KMT2D: variants seen among roughly 807,000 people sequenced by gnomAD.
KMT2D encodes histone-lysine N-methyltransferase 2D.
In KMT2D, 55 loss-of-function variants were observed where a neutral mutation model predicts 512.7. The ratio of observed to expected loss-of-function variants is 0.11; its 90% confidence interval spans 0.09 to 0.13. The LOEUF (loss-of-function observed/expected upper bound fraction) is 0.13. Ranked by LOEUF, KMT2D falls within the 10% of genes least tolerant of loss-of-function variation. KMT2D has a pLI of 1.00. For missense variants in KMT2D, 6,061 were observed against 7,127.9 expected, an observed-to-expected ratio of 0.85 and a Z score of 5.39; for synonymous variants, 2,995 against 2,904.0, an observed-to-expected ratio of 1.03 and a Z score of -1.01.
intron 14 of KMT2D, 91 bp downstream of exon 14, chr12:49,048,568 A>T: frequency 1.3e-6 from 1 of 756,104 alleles, no homozygotes; most frequent in Non-Finnish European, 2.3e-6. Context: ...TTAGCTGGGT[A>T]TCCCCAAAGT....
rs368315432 is a variant in KMT2D, at chr12:49,053,529, G to A, written c.786C>T (p.Ala262=). ...GGCACTGCCAGCCAGCACGTTTGCG[G>A]GCAGTCAGAGCAGTGTCCAGGCAGG... The part of the protein sequence containing the change: ...HGACLDTALT[A]RKRAGWQCPE... The change falls in exon 7 of 55, where the codon GCC becomes GCT. Residue 262 remains alanine, a synonymous_variant. Coordinates refer to ENST00000301067, the MANE Select transcript of KMT2D (RefSeq NM_003482.4). 5.6e-6 allele frequency: 9 copies of A among 1,604,650 alleles called. No homozygotes were observed. The highest frequency in any genetic ancestry group is 2.2e-5 in the South Asian group (2 of 89,502).
intron 1 of KMT2D, among the ~76,000 whole-genome samples, chr12:49,056,652 G>C (rs1938428840): frequency 1.3e-5 from 2 of 152,132 alleles, no homozygotes; most frequent in Non-Finnish European, 2.9e-5. Context: ...AACAATAAAA[G>C]TTTGAGAAAT....
chr12:49,026,564 T>G lies in KMT2D; in HGVS notation c.15402A>C (p.Pro5134=). The change falls in exon 49 of 55, where the codon CCA becomes CCC. Residue 5134 remains proline (P), a synonymous_variant. Transcript: ENST00000301067. The surrounding 1 kb of genome is among the most constrained non-coding windows in gnomAD (Gnocchi z 9.6). ...MFFKDKTMLC[P]MHKIKGPCEQ... ...CACAGGGCCCCTTGATCTTATGCAT[T>G]GGACACAGCATGGTCTTGTCCTTGA... 1 of 1,613,992 alleles carries G rather than the reference T, an allele frequency of 6.2e-7. No homozygotes were observed. Among genetic ancestry groups the G allele is most frequent in the Non-Finnish European group, 8.5e-7 (1 of 1,179,902 alleles).
In KMT2D at chr12:49,043,703, C is replaced by T. The variant is rs1263546284; in HGVS notation, c.5399G>A (p.Gly1800Glu). The T allele has an allele frequency of 6.2e-7, 1 of 1,613,906 alleles. No individual in the cohort carries two copies. The highest frequency in any genetic ancestry group is 8.5e-7 in the Non-Finnish European group (1 of 1,179,906). ...TCCCTTGGCTTTTGGGGTCCCTAGTCCAAAGCTTGGCCGGCCCACCCCAAC... is the reference window on the plus strand; with the variant it reads ...TCCCTTGGCTTTTGGGGTCCCTAGTTCAAAGCTTGGCCGGCCCACCCCAAC... ...FAVGVGRPSFGLGTPKAKGDG... is the reference protein window; with the variant it reads ...FAVGVGRPSFELGTPKAKGDG... Residue 1800 changes from glycine to glutamate, a missense_variant, in exon 24 of 55, where the codon GGA becomes GAA. By Grantham distance (98) the Gly-to-Glu change is moderately conservative. Coordinates refer to ENST00000301067, the MANE Select transcript of KMT2D (RefSeq NM_003482.4).
At position 49,041,307 on chromosome 12, in the gene KMT2D, A is replaced by T. The variant is rs1943514642; in HGVS notation, c.6463T>A (p.Ser2155Thr). Residue 2155 changes from serine (S) to threonine (T), a missense_variant, in exon 32 of 55, where the codon TCG becomes ACG. By Grantham distance (58) the Ser-to-Thr change is moderately conservative. Transcript: ENST00000301067. The surrounding 1 kb of genome is among the most constrained non-coding windows in gnomAD (Gnocchi z 5.4). ...AGCTTGAGGAAGAGCTCACCAGGCG[A>T]GTCAGGGCCAGGCACCGAGCCCGCC... ...PPAGSVPGPD[S>T]PGELFLKLPP... The T allele has an allele frequency of 4.6e-6, 7 of 1,532,866 alleles. No individual in the cohort carries two copies. Among genetic ancestry groups the T allele is most frequent in the African/African-American group, 1.4e-5 (1 of 72,292 alleles). The allele number at this position is 1,532,866 out of a possible 1,614,324, so 95.0% of individuals were successfully genotyped here. A position where few individuals can be genotyped will look rare whatever the true frequency, so the allele number is the denominator to read the frequency against.
chr12:49,019,093 G>C lies in KMT2D; in HGVS notation c.*2687C>G. 8.3e-7 allele frequency: 1 copy of C among 1,205,582 alleles called. No homozygotes were observed. The highest frequency in any genetic ancestry group is 1.0e-6 in the Non-Finnish European group (1 of 965,302). 74.7% of individuals were successfully genotyped at this position (1,205,582 alleles called of 1,614,324 possible). ...ATATGTACAGTTCAGAATGATCGCT[G>C]ATACAAAACATGCCAAGGACAGGGG... On this transcript the variant is annotated 3_prime_UTR_variant, in exon 55 of 55. Transcript: ENST00000301067.
In KMT2D at chr12:49,032,822, TTGTTGCTGTTGCTGTTGTAGCTGC is replaced by T; in HGVS notation, c.11859_11882del (p.Leu3955_Gln3962del). The T allele has an allele frequency of 1.9e-6, 3 of 1,550,906 alleles. No homozygotes were observed. Among genetic ancestry groups the T allele is most frequent in the South Asian group, 2.4e-5 (2 of 84,014 alleles). On this transcript the variant is annotated inframe_deletion, in exon 40 of 55. Transcript: ENST00000301067. Reference sequence around the variant, plus strand: ...GCTGCTGTTGAAACTGCTGCTGTTGTTGTTGCTGTTGCTGTTGTAGCTGCTGTTGCTGCTGTTGAAGCTGTTGCT... The same window carrying T: ...GCTGCTGTTGAAACTGCTGCTGTTGTTGTTGCTGCTGTTGAAGCTGTTGCT...
intron 49 of KMT2D, among the ~76,000 whole-genome samples, chr12:49,025,882 T>C (rs974291790): frequency 1.3e-5 from 2 of 152,160 alleles, no homozygotes; most frequent in Admixed American, 6.5e-5. Context: ...TAGGATTAGG[T>C]TGGGTGAGGC....
rs1345719942 is a variant in KMT2D at position 49,053,997 on chromosome 12, A to C, written c.654T>G (p.Ser218Arg). The C allele has an allele frequency of 1.2e-6, 2 of 1,613,660 alleles. No homozygotes were observed. Among genetic ancestry groups the C allele is most frequent in the Non-Finnish European group, 1.7e-6 (2 of 1,179,832 alleles). ...KTLQLLCPEH[S>R]EGAAYLEEAR... Reference sequence around the variant, plus strand: ...TCTCACCCAGATATGCAGCCCCCTCACTGTGCTCTGGGCATAGCAGCTGCA... The same window carrying C: ...TCTCACCCAGATATGCAGCCCCCTCCCTGTGCTCTGGGCATAGCAGCTGCA... Residue 218 changes from serine (S) to arginine (R), a missense_variant, in exon 6 of 55, where the codon AGT (serine) becomes AGG (arginine). By Grantham distance (110) the Ser-to-Arg change is moderately radical (BLOSUM62 -1). This residue lies in a region of KMT2D where 160 missense variants were observed against 225.8 expected (regional missense o/e 0.71). Coordinates refer to ENST00000301067, the MANE Select transcript of KMT2D (RefSeq NM_003482.4).
Position 49,042,043 on chromosome 12 carries a change from C to A in KMT2D, c.6109+46G>T. On this transcript the variant is annotated intron_variant, in intron 29 of 54. Coordinates refer to ENST00000301067, the MANE Select transcript of KMT2D (RefSeq NM_003482.4). This position sits in a 1 kb window ranked among gnomAD's most constrained non-coding sequence, Gnocchi z 4.4. ...AAGACTTGGCAGGCGACTCCTCCACCTGCCATGTTGCCAGGCTGTCTCCCT... is the reference window on the plus strand; with the variant it reads ...AAGACTTGGCAGGCGACTCCTCCACATGCCATGTTGCCAGGCTGTCTCCCT... The A allele has an allele frequency of 6.2e-7, 1 of 1,612,292 alleles. No individual in the cohort carries two copies. Among genetic ancestry groups the A allele is most frequent in the Non-Finnish European group, 8.5e-7 (1 of 1,178,564 alleles).
intron 1 of KMT2D, among the ~76,000 whole-genome samples, chr12:49,058,271 G>A (rs1938529875): frequency 6.6e-6 from 1 of 152,180 alleles, no homozygotes; most frequent in Non-Finnish European, 1.5e-5. Flanking sequence ...AGTTGTTTCG[G>A]GACAAACGGG....
chr12:49,042,891 G>T lies in KMT2D; in HGVS notation c.5645-13C>A. 1 of 1,613,612 alleles carries T rather than the reference G, an allele frequency of 6.2e-7. No homozygotes were observed. The highest frequency in any genetic ancestry group is 8.5e-7 in the Non-Finnish European group (1 of 1,179,684). On this transcript the variant is annotated splice_polypyrimidine_tract_variant and intron_variant, in intron 26 of 54. Coordinates refer to ENST00000301067, the MANE Select transcript of KMT2D (RefSeq NM_003482.4). This position sits in a 1 kb window ranked among gnomAD's most constrained non-coding sequence, Gnocchi z 4.4. ...ATCTTGGGCAGTTCTGTGGGGGAAT[G>T]AAGGACACTGTTGAGGAAGACTGGG...
intron 19 of KMT2D, among the ~76,000 whole-genome samples, chr12:49,045,538 G>A (rs1000588051): frequency 2.6e-5 from 4 of 151,864 alleles, no homozygotes; most frequent in Non-Finnish European, 4.4e-5. Flanking sequence ...CAGCTACTCA[G>A]GAGGCTGAGG....
At position 49,054,680 on chromosome 12, in the gene KMT2D, C is replaced by T. The variant is rs55865069; in HGVS notation, c.248G>A (p.Arg83Gln). The T allele has an allele frequency of 0.027, 43,834 of 1,612,688 alleles. 733 individuals are homozygous for T. Among genetic ancestry groups the T allele is most frequent in the Non-Finnish European group, 0.029 (34,700 of 1,179,264 alleles). ...EPSLHGQRELRRFELPFDWPR... is the reference protein window; with the variant it reads ...EPSLHGQRELQRFELPFDWPR... ...CCAATCAAATGGCAACTCAAAGCGC[C>T]GTAGCTCCCGCTGCCCGTGTAGACT... is the stretch of plus-strand genomic sequence containing the variant. Residue 83 changes from arginine to glutamine, a missense_variant, in exon 4 of 55, where the codon CGG (arginine) becomes CAG (glutamine). By Grantham distance (43) the Arg-to-Gln change is conservative (BLOSUM62 1). Coordinates refer to ENST00000301067, the MANE Select transcript of KMT2D (RefSeq NM_003482.4). This position sits in a 1 kb window ranked among gnomAD's most constrained non-coding sequence, Gnocchi z 6.4.
rs1278653206 is a variant in KMT2D, at chr12:49,050,908, C to A, written c.2775G>T (p.Leu925Phe). The change falls in exon 11 of 55, where the codon TTG becomes TTT. Residue 925 changes from leucine to phenylalanine, a missense_variant. This residue lies in a region of KMT2D where 848 missense variants were observed against 838.5 expected (regional missense o/e 1.01). Transcript: ENST00000301067. The stretch of plus-strand genomic sequence containing the variant: ...TACCTGGTGGCATCAGCTGAGGCGA[C>A]AAGGATGGCTCCCCAGATGGGGACA... The part of the protein sequence containing the change: ...LPLSPSGEPS[L>F]SPQLMPPDPL... 2 of 1,535,852 alleles carry A rather than the reference C, an allele frequency of 1.3e-6. No individual in the cohort carries two copies. The highest frequency in any genetic ancestry group is 2.8e-5 in the African/African-American group (2 of 72,492).
chr12:49,041,457 G>A lies in KMT2D; in HGVS notation c.6313C>T (p.Arg2105Cys), dbSNP rs773708383. ...AGTGCCCCTGGCTGCGGGGGAATGCGGAGATGTAGGGCCGGTCGGTCAGTC... is the reference window on the plus strand; with the variant it reads ...AGTGCCCCTGGCTGCGGGGGAATGCAGAGATGTAGGGCCGGTCGGTCAGTC... ...RKTDRPALHL[R>C]IPPQPGALGS... Residue 2105 changes from arginine to cysteine, a missense_variant, in exon 32 of 55, where the codon CGC becomes TGC. Arg to Cys is a radical substitution (Grantham distance 180, BLOSUM62 -3). Coordinates refer to ENST00000301067, the MANE Select transcript of KMT2D (RefSeq NM_003482.4). This position sits in a 1 kb window ranked among gnomAD's most constrained non-coding sequence, Gnocchi z 5.4. The A allele has an allele frequency of 9.3e-6, 15 of 1,613,064 alleles. No homozygotes were observed. Among genetic ancestry groups the A allele is most frequent in the Non-Finnish European group, 1.2e-5 (14 of 1,179,320 alleles).
chr12:49,046,223 C>G lies in KMT2D; in HGVS notation c.4583+37G>C, dbSNP rs759016270. 1 of 1,613,608 alleles carries G rather than the reference C, an allele frequency of 6.2e-7. No homozygotes were observed. Among genetic ancestry groups the G allele is most frequent in the Non-Finnish European group, 8.5e-7 (1 of 1,179,672 alleles). ...ATAAGCTCAGGCAATGCGAGGCTGG[C>G]AACAGGGCCAAAGTGAGGAGAAAGG... On this transcript the variant is annotated intron_variant, in intron 17 of 54. Coordinates refer to ENST00000301067, the MANE Select transcript of KMT2D (RefSeq NM_003482.4). The surrounding 1 kb of genome is among the most constrained non-coding windows in gnomAD (Gnocchi z 4.2).
In KMT2D at chr12:49,031,479, T is replaced by C. The variant is rs2120420544; in HGVS notation, c.13226A>G (p.Glu4409Gly). The change falls in exon 40 of 55, where the codon GAG becomes GGG. Residue 4409 changes from glutamate (E) to glycine (G), a missense_variant. This residue lies in a region of KMT2D where 1,600 missense variants were observed against 1,754.9 expected (regional missense o/e 0.91). Transcript: ENST00000301067. ...LDQVNGQVVP[E>G]ASQLSIKQEP... Reference sequence around the variant, plus strand: ...CTGCTTGATGCTGAGTTGGGATGCCTCAGGCACCACCTGTCCATTCACCTG... The same window carrying C: ...CTGCTTGATGCTGAGTTGGGATGCCCCAGGCACCACCTGTCCATTCACCTG... The C allele has an allele frequency of 6.2e-7, 1 of 1,613,514 alleles. No individual in the cohort carries two copies. Among genetic ancestry groups the C allele is most frequent in the Non-Finnish European group, 8.5e-7 (1 of 1,179,756 alleles).
In KMT2D at chr12:49,046,774, A is replaced by C; in HGVS notation, c.4253T>G (p.Leu1418Arg). 6.2e-7 allele frequency: 1 copy of C among 1,613,464 alleles called. No homozygotes were observed. Among genetic ancestry groups the C allele is most frequent in the Non-Finnish European group, 8.5e-7 (1 of 1,179,482 alleles). Reference protein sequence around the residue: ...CVNSKITKVMLLKGWRCVECI... With the variant: ...CVNSKITKVMRLKGWRCVECI... ...CTCCACACAACGCCAGCCCTTGAGC[A>C]GCATCACCTTGGTGATCTGGGGCAG... The change falls in exon 16 of 55, where the codon CTG becomes CGG. Residue 1418 changes from leucine (L) to arginine (R), a missense_variant. Around this residue, in one of 16 missense-constraint regions of KMT2D, gnomAD observed 53 missense variants for 148.3 expected, o/e 0.36. Coordinates refer to ENST00000301067, the MANE Select transcript of KMT2D (RefSeq NM_003482.4). The surrounding 1 kb of genome is among the most constrained non-coding windows in gnomAD (Gnocchi z 4.2).
Sources: allele counts gnomAD v4.1 joint callset (sites outside exome capture counted in the v4.1 genomes callset), GRCh38; gene constraint gnomAD v4.1.1; regional missense constraint gnomAD v4.1.1; non-coding constraint Gnocchi (gnomAD v3.1); transcripts MANE v1.5; gene names NCBI Gene and HGNC (gene_info 2026-07-23, HGNC 2026-07-21).